CSNK1D: variants seen among roughly 807,000 people sequenced by gnomAD.
CSNK1D encodes casein kinase 1 delta.
In CSNK1D, 16 loss-of-function variants were observed where a neutral mutation model predicts 46.6. That is an observed-to-expected ratio of 0.34 (90% CI 0.23 to 0.52). The LOEUF is 0.52. CSNK1D is among the 20% of genes least tolerant of loss of function. The pLI, the probability that CSNK1D is intolerant of heterozygous loss-of-function variation, is 0.95. For missense variants in CSNK1D, 398 were observed against 578.4 expected, an observed-to-expected ratio of 0.69 and a Z score of 3.20; for synonymous variants, 276 against 228.2, an observed-to-expected ratio of 1.21 and a Z score of -1.89.
In CSNK1D at chr17:82,248,830, G is replaced by T; in HGVS notation, c.1197+45C>A. The T allele has an allele frequency of 1.9e-6, 3 of 1,591,452 alleles. No homozygotes were observed. Among genetic ancestry groups the T allele is most frequent in the Non-Finnish European group, 2.6e-6 (3 of 1,168,616 alleles). ...ACCACAGCCCGCTCTTGACTCGGACGGGGTAGCCCGAGGCCCAGCGCCCGC... is the reference window on the plus strand; with the variant it reads ...ACCACAGCCCGCTCTTGACTCGGACTGGGTAGCCCGAGGCCCAGCGCCCGC... On this transcript the variant is annotated intron_variant, in intron 8 of 8. Transcript: ENST00000314028. This position sits in a 1 kb window ranked among gnomAD's most constrained non-coding sequence, Gnocchi z 4.1.
intron 2 of CSNK1D, chr17:82,261,084 C>T (rs866680387): frequency 6.5e-6 from 1 of 154,862 alleles, no homozygotes; most frequent in Non-Finnish European, 1.5e-5. Flanking sequence ...CAGAAATCAC[C>T]CCTTTTGTTA....
rs1249731287 is a variant in CSNK1D, at chr17:82,248,695, T to C, written c.1197+180A>G. 3 of 1,431,864 alleles carry C rather than the reference T, an allele frequency of 2.1e-6. No individual in the cohort carries two copies. The highest frequency in any genetic ancestry group is 2.7e-5 in the Admixed American group (1 of 37,238). 88.7% of individuals were successfully genotyped at this position (1,431,864 alleles called of 1,614,324 possible). On this transcript the variant is annotated intron_variant, in intron 8 of 8. Transcript: ENST00000314028. This position sits in a 1 kb window ranked among gnomAD's most constrained non-coding sequence, Gnocchi z 4.1. Reference sequence around the variant, plus strand: ...ACAAGCCCCATGACGGCCCAGCATGTCTCCCAGGCCCTCCCGAGAAGCCTC... The same window carrying C: ...ACAAGCCCCATGACGGCCCAGCATGCCTCCCAGGCCCTCCCGAGAAGCCTC...
At chr17:82,272,409 G>C (rs1044475804) in intron 1 of CSNK1D, 5 of 151,666 alleles carry the variant, frequency 3.3e-5, no homozygotes, top group African/African-American at 1.2e-4. Flanking sequence ...TTGTGTTCAC[G>C]TGCATATTTT....
At position 82,249,217 on chromosome 17, in the gene CSNK1D, G is replaced by C. The variant is rs1568558078; in HGVS notation, c.1058-203C>G. 1 of 774,384 alleles carries C rather than the reference G, an allele frequency of 1.3e-6. No individual in the cohort carries two copies. 48.0% of individuals were successfully genotyped at this position (774,384 alleles called of 1,614,324 possible). A position where few individuals can be genotyped will look rare whatever the true frequency, so the allele number is the denominator to read the frequency against. On this transcript the variant is annotated intron_variant, in intron 7 of 8. Coordinates refer to ENST00000314028, the MANE Select transcript of CSNK1D (RefSeq NM_001893.6). The surrounding 1 kb of genome is among the most constrained non-coding windows in gnomAD (Gnocchi z 6.7). ...GCGAGGTCAAGGGGCTCACAGGGGA[G>C]GAACGTGAGATGCGGGAGGAATCAC...
chr17:82,243,637 G>T lies in CSNK1D; in HGVS notation c.*1144C>A. The T allele has an allele frequency of 1.0e-6, 1 of 985,518 alleles. No individual in the cohort carries two copies. The highest frequency in any genetic ancestry group is 1.2e-6 in the Non-Finnish European group (1 of 829,962). The allele number at this position is 985,518 out of a possible 1,614,324, so 61.0% of individuals were successfully genotyped here. On this transcript the variant is annotated 3_prime_UTR_variant, in exon 9 of 9. Coordinates refer to ENST00000314028, the MANE Select transcript of CSNK1D (RefSeq NM_001893.6). ...GGTTGGGAGAGTCACCTGCTCCTTG[G>T]CACCTCAGGGTGGGTCCTTCTGGCC...
chr17:82,255,404 C>CCAA lies in CSNK1D; in HGVS notation c.336+22_336+24dup, dbSNP rs745497844. On this transcript the variant is annotated intron_variant, in intron 3 of 8. Transcript: ENST00000314028. The surrounding 1 kb of genome is among the most constrained non-coding windows in gnomAD (Gnocchi z 5.9). ...GATTCTATCAGACAGCAAGTGTGTG[C>CCAA]CAACTGTCAGGAAACAGTCCTTACC... 5 of 1,613,852 alleles carry CCAA rather than the reference C, an allele frequency of 3.1e-6. No homozygotes were observed. In the African/African-American group the frequency reaches 6.7e-5, roughly 22 times the overall value.
At position 82,244,287 on chromosome 17, in the gene CSNK1D, CCTGT is replaced by C. The variant is rs921435688; in HGVS notation, c.*490_*493del. ...ACCTCATACACTAACTCCAAGCCAG[CCTGT>C]CTCAGAATTCCTTAGTCAACATTTT... On this transcript the variant is annotated 3_prime_UTR_variant, in exon 9 of 9. Transcript: ENST00000314028. 8.1e-6 allele frequency: 9 copies of C among 1,105,930 alleles called. No homozygotes were observed. The highest frequency in any genetic ancestry group is 1.0e-5 in the Non-Finnish European group (9 of 899,466). The allele number at this position is 1,105,930 out of a possible 1,614,324, so 68.5% of individuals were successfully genotyped here.
Position 82,248,119 on chromosome 17 carries a change from A to T in CSNK1D, c.1197+756T>A. 1 of 985,514 alleles carries T rather than the reference A, an allele frequency of 1.0e-6. No individual in the cohort carries two copies. Among genetic ancestry groups the T allele is most frequent in the Non-Finnish European group, 1.2e-6 (1 of 829,980 alleles). The allele number at this position is 985,514 out of a possible 1,614,324, so 61.0% of individuals were successfully genotyped here. A position where few individuals can be genotyped will look rare whatever the true frequency, so the allele number is the denominator to read the frequency against. On this transcript the variant is annotated intron_variant, in intron 8 of 8. Transcript: ENST00000314028. This position sits in a 1 kb window ranked among gnomAD's most constrained non-coding sequence, Gnocchi z 4.1. ...CCCGTGGGGGATCTGGGCACCCCCCAGGATGCCTGCTGGTGAAACAGCCCT... is the reference window on the plus strand; with the variant it reads ...CCCGTGGGGGATCTGGGCACCCCCCTGGATGCCTGCTGGTGAAACAGCCCT...
In CSNK1D at chr17:82,252,596, G is replaced by A; in HGVS notation, c.574C>T (p.Arg192Ter). Residue 192 changes from arginine to a stop codon, truncating the protein, a stop_gained, in exon 5 of 9, where the codon CGA becomes TGA. Coordinates refer to ENST00000314028, the MANE Select transcript of CSNK1D (RefSeq NM_001893.6). LOFTEE classifies it high-confidence loss of function. The surrounding 1 kb of genome is among the most constrained non-coding windows in gnomAD (Gnocchi z 4.6). Reference sequence around the variant, plus strand: ...CCCAGAGACTCCAAGTCATCTCTTCGGGATTGTTCTGAAAAGAAAAGGGAA... The same window carrying A: ...CCCAGAGACTCCAAGTCATCTCTTCAGGATTGTTCTGAAAAGAAAAGGGAA... The part of the protein sequence containing the change: ...INTHLGIEQS[R>*]RDDLESLGYV... 1 of 1,613,728 alleles carries A rather than the reference G, an allele frequency of 6.2e-7. No individual in the cohort carries two copies. The highest frequency in any genetic ancestry group is 8.5e-7 in the Non-Finnish European group (1 of 1,179,984).
downstream of CSNK1D, chr17:82,239,049 C>T (rs2050696782): frequency 7.0e-7 from 1 of 1,423,710 alleles, no homozygotes; most frequent in Non-Finnish European, 9.4e-7. Flanking sequence ...ATTTTACAAA[C>T]TGGACTGGCT....
chr17:82,243,684 C>G lies in CSNK1D; in HGVS notation c.*1097G>C. ...GGCCTGCCGGCTTTTCTGAGCTAGTCTTGGCACGTGGCAAGGACAGCCCCG... is the reference window on the plus strand; with the variant it reads ...GGCCTGCCGGCTTTTCTGAGCTAGTGTTGGCACGTGGCAAGGACAGCCCCG... On this transcript the variant is annotated 3_prime_UTR_variant, in exon 9 of 9. Coordinates refer to ENST00000314028, the MANE Select transcript of CSNK1D (RefSeq NM_001893.6). The G allele has an allele frequency of 1.1e-5, 11 of 985,484 alleles. No individual in the cohort carries two copies. The highest frequency in any genetic ancestry group is 1.3e-5 in the Non-Finnish European group (11 of 829,968). The allele number at this position is 985,484 out of a possible 1,614,324, so 61.0% of individuals were successfully genotyped here.
At chr17:82,264,721 C>G (rs975966729) in intron 2 of CSNK1D, among the ~76,000 whole-genome samples, 3 of 152,190 alleles carry the variant, frequency 2.0e-5, no homozygotes, top group African/African-American at 7.2e-5. Context: ...AACACACGTG[C>G]CACTGGCAAC....
intron 2 of CSNK1D, among the ~76,000 whole-genome samples, chr17:82,262,714 A>G (rs751085213): frequency 3.3e-5 from 5 of 152,254 alleles, no homozygotes; most frequent in Non-Finnish European, 7.3e-5. Flanking sequence ...CATAGCAGAC[A>G]CTGCACAAGA....
rs1305222293 is a variant in CSNK1D, at chr17:82,273,575, A to C, written c.-194T>G. 2 of 636,670 alleles carry C rather than the reference A, an allele frequency of 3.1e-6. No individual in the cohort carries two copies. Among genetic ancestry groups the C allele is most frequent in the African/African-American group, 2.0e-5 (1 of 51,116 alleles). 39.4% of individuals were successfully genotyped at this position (636,670 alleles called of 1,614,324 possible). ...AATACGGGGCGGATGGGACAGTCCG[A>C]GCGCCGCCGCCGCTGCTCCGGCCCC... On this transcript the variant is annotated 5_prime_UTR_variant, in exon 1 of 9. Coordinates refer to ENST00000314028, the MANE Select transcript of CSNK1D (RefSeq NM_001893.6). This position sits in a 1 kb window ranked among gnomAD's most constrained non-coding sequence, Gnocchi z 5.1.
At chr17:82,247,181 T>C (rs1418827308) in intron 8 of CSNK1D, 6 of 985,346 alleles carry the variant, frequency 6.1e-6, no homozygotes, top group Non-Finnish European at 7.2e-6. Context: ...TCCTCCCTGC[T>C]GTTAGAGCCC....
rs904240746 is a variant in CSNK1D at position 82,242,688 on chromosome 17, TTTA to T, written c.*2090_*2092del. ...GAAGAAAGGTAGAAGTCATTATGAA[TTTA>T]TTATTTACACGATTGTTAAAGTACA... On this transcript the variant is annotated 3_prime_UTR_variant, in exon 9 of 9. Coordinates refer to ENST00000314028, the MANE Select transcript of CSNK1D (RefSeq NM_001893.6). 12 of 985,448 alleles carry T rather than the reference TTTA, an allele frequency of 1.2e-5. No homozygotes were observed. In the African/African-American group the frequency reaches 1.2e-4, roughly 10 times the overall value. The allele number at this position is 985,448 out of a possible 1,614,324, so 61.0% of individuals were successfully genotyped here.
Position 82,250,048 on chromosome 17 carries a change from G to A in CSNK1D, c.886-446C>T. The A allele has an allele frequency of 7.9e-7, 1 of 1,270,078 alleles. No homozygotes were observed. The highest frequency in any genetic ancestry group is 1.0e-6 in the Non-Finnish European group (1 of 977,304). The allele number at this position is 1,270,078 out of a possible 1,614,324, so 78.7% of individuals were successfully genotyped here. ...TTTGGTCGGACGAGGAGTACACTCA[G>A]GGTCCGGACCCTGCAGCCTCCAACA... On this transcript the variant is annotated intron_variant, in intron 6 of 8. Coordinates refer to ENST00000314028, the MANE Select transcript of CSNK1D (RefSeq NM_001893.6). The surrounding 1 kb of genome is among the most constrained non-coding windows in gnomAD (Gnocchi z 4.6).
chr17:82,248,002 G>C lies in CSNK1D; in HGVS notation c.1197+873C>G, dbSNP rs2050894707. On this transcript the variant is annotated intron_variant, in intron 8 of 8. Transcript: ENST00000314028. This position sits in a 1 kb window ranked among gnomAD's most constrained non-coding sequence, Gnocchi z 4.1. ...AGCCCCGCTCACGGCAGCAGGCCTG[G>C]CTCCATCCTGTGATCCCAACAAACA... 1.0e-6 allele frequency: 1 copy of C among 985,316 alleles called. No homozygotes were observed. The highest frequency in any genetic ancestry group is 1.2e-6 in the Non-Finnish European group (1 of 829,976). The allele number at this position is 985,316 out of a possible 1,614,324, so 61.0% of individuals were successfully genotyped here. A position where few individuals can be genotyped will look rare whatever the true frequency, so the allele number is the denominator to read the frequency against.
rs961526753 is a variant in CSNK1D, at chr17:82,249,328, G to A, written c.1057+103C>T. The A allele has an allele frequency of 4.9e-6, 6 of 1,231,156 alleles. No homozygotes were observed. In the African/African-American group the frequency reaches 7.4e-5, roughly 15 times the overall value. The allele number at this position is 1,231,156 out of a possible 1,614,324, so 76.3% of individuals were successfully genotyped here. ...AGGAGCGAGCATCGCCTGACACAGG[G>A]CACTTAGTGTCCACCACCAAGTACC... On this transcript the variant is annotated intron_variant, in intron 7 of 8. Transcript: ENST00000314028. The surrounding 1 kb of genome is among the most constrained non-coding windows in gnomAD (Gnocchi z 6.7).
Sources: allele counts gnomAD v4.1 joint callset (sites outside exome capture counted in the v4.1 genomes callset), GRCh38; gene constraint gnomAD v4.1.1; non-coding constraint Gnocchi (gnomAD v3.1); transcripts MANE v1.5; gene names NCBI Gene and HGNC (gene_info 2026-07-23, HGNC 2026-07-21).